The following SH3TC2 variants were observed in gnomAD, a reference collection of about 807,000 sequenced individuals.
The protein encoded by SH3TC2 is SH3 domain and tetratricopeptide repeats 2.
A neutral mutation model predicts 124.5 loss-of-function variants in SH3TC2; 87 were observed. The ratio of observed to expected loss-of-function variants is 0.70; its 90% CI spans 0.59 to 0.84. SH3TC2 has a LOEUF of 0.84. Ranked by LOEUF, SH3TC2 falls within the 40% of genes least tolerant of loss-of-function variation. The pLI, the probability that SH3TC2 is intolerant of heterozygous loss-of-function variation, is 0.00. For synonymous variants in SH3TC2, 634 were observed against 628.5 expected, an observed-to-expected ratio of 1.01 and a Z score of -0.13; for missense variants, 1,536 against 1,566.4, an observed-to-expected ratio of 0.98 and a Z score of 0.33.
chr5:149,059,011 G>C (rs1445196604), intron 1 of SH3TC2, among the ~76,000 whole-genome samples: 10 of 152,124 alleles, frequency 6.6e-5, no homozygotes, highest in Non-Finnish European at 1.5e-5. Flanking sequence ...GCAATGAGAA[G>C]TGAGGGCATA....
At chr5:149,057,840 C>T (rs1754677836) in intron 1 of SH3TC2, among the ~76,000 whole-genome samples, 1 of 152,192 alleles carries the variant, frequency 6.6e-6, no homozygotes, top group Admixed American at 6.5e-5. Flanking sequence ...TGACTCTCTC[C>T]CTAGCTCCAA....
chr5:149,060,303 A>T lies in SH3TC2; in HGVS notation c.52+2668T>A, dbSNP rs1392237064. 2.6e-5 allele frequency among the ~76,000 whole-genome samples: 4 copies of T among 152,202 alleles called. No homozygotes were observed. In the East Asian group the frequency reaches 7.7e-4, roughly 29 times the overall value. On this transcript the variant is annotated intron_variant, in intron 1 of 16. Transcript: ENST00000515425. Reference sequence around the variant, plus strand: ...GCTTATTAAGCAATGGCAAGAAACAACTCATAGATAGGGTGGGGAAGTCAG... The same window carrying T: ...GCTTATTAAGCAATGGCAAGAAACATCTCATAGATAGGGTGGGGAAGTCAG...
At position 149,047,915 on chromosome 5, in the gene SH3TC2, TCCGA is replaced by T. The variant is rs1387839572; in HGVS notation, c.222_225del (p.Arg75GlyfsTer53). ...TCATTCTCCAGTGCCCAGAGCCGCC[TCCGA>T]GCAGCTTCCTGTAGGGGTCCATTTA... On this transcript the variant is annotated frameshift_variant, in exon 3 of 17. Transcript: ENST00000515425. LOFTEE classifies it high-confidence loss of function. 1 of 1,614,164 alleles carries T rather than the reference TCCGA, an allele frequency of 6.2e-7. No homozygotes were observed.
intron 13 of SH3TC2, among the ~76,000 whole-genome samples, chr5:149,011,913 C>T (rs1460692595): frequency 6.6e-6 from 1 of 152,170 alleles, no homozygotes; most frequent in Admixed American, 6.5e-5. Flanking sequence ...GTTCTGAGCA[C>T]TTAATAAATG....
At chr5:149,040,721 A>G in intron 6 of SH3TC2, 44 bp from the exon 7 acceptor site, 1 of 1,510,064 alleles carries the variant, frequency 6.6e-7, no homozygotes, top group Non-Finnish European at 9.2e-7. Flanking sequence ...ATTTCAAAAA[A>G]TTGCAACAAT....
At chr5:149,048,076 T>G (rs1271739594) in intron 2 of SH3TC2, 87 bp from the exon 3 acceptor site, 1 of 1,571,964 alleles carries the variant, frequency 6.4e-7, no homozygotes, top group Non-Finnish European at 8.7e-7. Context: ...TTCCCCTACA[T>G]GTATACCTGA....
In SH3TC2 at chr5:149,026,874, T is replaced by G. The variant is rs369278337; in HGVS notation, c.2858A>C (p.His953Pro). ...GACATACTTACTCTTTAGATGTCGA[T>G]GCCTTAAGCCAAACAGCAATGCCAT... Reference protein sequence around the residue: ...YEMALLFGLRHRHLKSQLQAT... With the variant: ...YEMALLFGLRPRHLKSQLQAT... The change falls in exon 11 of 17, where the codon CAT becomes CCT. Residue 953 changes from histidine (H) to proline (P), a missense_variant. His to Pro is a moderately conservative substitution (Grantham distance 77). This residue lies in a region of SH3TC2 where 426 missense variants were observed against 443.5 expected (regional missense o/e 0.96). Coordinates refer to ENST00000515425, the MANE Select transcript of SH3TC2 (RefSeq NM_024577.4). 1.9e-5 allele frequency: 31 copies of G among 1,614,102 alleles called. No individual in the cohort carries two copies. The highest frequency in any genetic ancestry group is 5.3e-5 in the African/African-American group (4 of 74,944).
At chr5:149,053,394 G>A (rs751500728) in intron 1 of SH3TC2, among the ~76,000 whole-genome samples, 16 of 152,220 alleles carry the variant, frequency 1.1e-4, no homozygotes, top group Non-Finnish European at 1.9e-4. Flanking sequence ...AGTTAGCACT[G>A]TTTTGGGTGA....
Position 149,028,048 on chromosome 5 carries a change from A to G in SH3TC2, c.1684T>C (p.Phe562Leu). Residue 562 changes from phenylalanine to leucine, a missense_variant, in exon 11 of 17, where the codon TTT becomes CTT. Phe to Leu is a conservative substitution (Grantham distance 22, BLOSUM62 0). This residue lies in a region of SH3TC2 where 1,102 missense variants were observed against 1,098.6 expected (regional missense o/e 1.00). Coordinates refer to ENST00000515425, the MANE Select transcript of SH3TC2 (RefSeq NM_024577.4). ...GTGGCCACCAAGGATAGGTCCTCAA[A>G]TGCTCCATTGAGAATGTGGATGGCC... ...EEAIHILNGAFEDLSLVATLY... is the reference protein window; with the variant it reads ...EEAIHILNGALEDLSLVATLY... 5 of 1,614,074 alleles carry G rather than the reference A, an allele frequency of 3.1e-6. No homozygotes were observed. Among genetic ancestry groups the G allele is most frequent in the African/African-American group, 1.3e-5 (1 of 75,054 alleles).
Position 149,042,394 on chromosome 5 carries a change from A to G in SH3TC2, c.529+300T>C, listed in dbSNP as rs542640104. Among the ~76,000 whole-genome samples the G allele has an allele frequency of 3.9e-5, 6 of 152,334 alleles. No homozygotes were observed. In the South Asian group the frequency reaches 1.0e-3, roughly 26 times the overall value. On this transcript the variant is annotated intron_variant, in intron 5 of 16. Transcript: ENST00000515425. ...GTGGAAAACTTTCCAAAATATGCCA[A>G]TACTTGGGCCTTCACCTTCAGAGAT...
At chr5:149,031,744 C>T in intron 8 of SH3TC2, 57 bp from the exon 9 acceptor site, 1 of 1,609,216 alleles carries the variant, frequency 6.2e-7, no homozygotes, top group Non-Finnish European at 8.5e-7. Flanking sequence ...GACTCCATCT[C>T]CTCTTCTCTC....
At position 149,047,700 on chromosome 5, in the gene SH3TC2, T is replaced by G; in HGVS notation, c.279+162A>C. ...GTTCCTGCCCACTCCTCTCCACTCC[T>G]GTGCAGAGAATGTGCACGGAATCTT... On this transcript the variant is annotated intron_variant, in intron 3 of 16. Transcript: ENST00000515425. 3 of 962,640 alleles carry G rather than the reference T, an allele frequency of 3.1e-6. No homozygotes were observed. In the East Asian group the frequency reaches 8.3e-5, roughly 27 times the overall value. The allele number at this position is 962,640 out of a possible 1,614,324, so 59.6% of individuals were successfully genotyped here.
Position 148,992,389 on chromosome 5 carries a change from C to T in SH3TC2, c.*12322G>A, listed in dbSNP as rs149457588. ...GGATGTCTCCATTTTTATCCATAAG[C>T]AGTATGTATGTCAGTTCTCAGGCAT... On this transcript the variant is annotated 3_prime_UTR_variant, in exon 17 of 17. Transcript: ENST00000515425. 2.1e-3 allele frequency among the ~76,000 whole-genome samples: 317 copies of T among 152,226 alleles called. 3 individuals carry two copies. Among genetic ancestry groups the T allele is most frequent in the African/African-American group, 7.6e-3 (314 of 41,532 alleles).
At chr5:149,041,093 C>T (rs748152917) in intron 6 of SH3TC2, among the ~76,000 whole-genome samples, 1 of 152,162 alleles carries the variant, frequency 6.6e-6, no homozygotes, top group African/African-American at 2.4e-5. Context: ...GATTCCTAGA[C>T]TCAACCCCAA....
intron 4 of SH3TC2, chr5:149,044,024 G>GAGTGTAGA: frequency 6.2e-6 from 1 of 160,052 alleles, no homozygotes; most frequent in Non-Finnish European, 1.4e-5. Context: ...GCATCCCAAT[G>GAGTGTAGA]TCCTTCTTTA....
intron 1 of SH3TC2, among the ~76,000 whole-genome samples, chr5:149,055,265 T>C (rs544704751): frequency 6.6e-6 from 1 of 152,240 alleles, no homozygotes; most frequent in Non-Finnish European, 1.5e-5. Flanking sequence ...ATATTGATCA[T>C]ACGTATGTAT....
chr5:148,995,528 T>G lies in SH3TC2; in HGVS notation c.*9183A>C, dbSNP rs1580880763. On this transcript the variant is annotated 3_prime_UTR_variant, in exon 17 of 17. Coordinates refer to ENST00000515425, the MANE Select transcript of SH3TC2 (RefSeq NM_024577.4). ...AACAAACAAAAATTATGCTTATTAT[T>G]CTCAATAAACTTTTGCTGAATACCT... 6.6e-6 allele frequency among the ~76,000 whole-genome samples: 1 copy of G among 152,214 alleles called. No homozygotes were observed. Among genetic ancestry groups the G allele is most frequent in the Non-Finnish European group, 1.5e-5 (1 of 68,038 alleles).
Position 149,001,076 on chromosome 5 carries a change from T to C in SH3TC2, c.*3635A>G, listed in dbSNP as rs761423641. On this transcript the variant is annotated 3_prime_UTR_variant, in exon 17 of 17. Coordinates refer to ENST00000515425, the MANE Select transcript of SH3TC2 (RefSeq NM_024577.4). The stretch of plus-strand genomic sequence containing the variant: ...TAGTGATAGGCTTCCTGATCCCTCA[T>C]CCTAACACCCTCCATTCCTGCATAT... Among the ~76,000 whole-genome samples the C allele has an allele frequency of 2.0e-5, 3 of 152,028 alleles. No individual in the cohort carries two copies. Among genetic ancestry groups the C allele is most frequent in the Non-Finnish European group, 4.4e-5 (3 of 68,010 alleles).
intron 8 of SH3TC2, among the ~76,000 whole-genome samples, chr5:149,036,793 A>C (rs1319231745): frequency 6.6e-6 from 1 of 152,140 alleles, no homozygotes; most frequent in Non-Finnish European, 1.5e-5. Context: ...CAGTTACACA[A>C]CAGCCTCTGG....
Sources: gnomAD v4.1 joint callset for allele counts (sites outside exome capture counted in the v4.1 genomes callset) on GRCh38, gnomAD v4.1.1 for gene constraint, gnomAD v4.1.1 regional missense constraint, MANE v1.5 for transcripts, NCBI Gene and HGNC (gene_info 2026-07-23, HGNC 2026-07-21) for gene names.